GAS2: variants seen among roughly 807,000 people sequenced by gnomAD.
GAS2 encodes growth arrest-specific protein 2.
GAS2 carries 20 observed loss-of-function variants against 37.5 expected under a neutral mutation model. That is an observed-to-expected ratio of 0.53 (90% confidence interval 0.37 to 0.77). The LOEUF (loss-of-function observed/expected upper bound fraction) is 0.77. Among genes scored for constraint, GAS2 ranks in the 30% least tolerant of loss-of-function variants. The pLI is 0.00. For synonymous variants in GAS2, 144 were observed against 132.2 expected (o/e 1.09, Z -0.61); for missense variants, 336 against 373.4 (o/e 0.90, Z 0.82).
chr11:22,704,679 G>A (rs1262993497), intron 3 of GAS2, among the ~76,000 whole-genome samples: 7 of 142,494 alleles, frequency 4.9e-5, no homozygotes, highest in Non-Finnish European at 9.0e-5. Context: ...CTTGTAGTAA[G>A]GAATATTGTA....
intron 3 of GAS2, chr11:22,702,388 G>C (rs1850886752): frequency 2.0e-5 from 3 of 152,126 alleles, no homozygotes; most frequent in African/African-American, 7.2e-5. Flanking sequence ...ACTGTCTGTA[G>C]ATGGAATTGC....
At chr11:22,751,055 G>T (rs1485376901) in intron 6 of GAS2, among the ~76,000 whole-genome samples, 1 of 151,932 alleles carries the variant, frequency 6.6e-6, no homozygotes. Flanking sequence ...CTACCAGAAG[G>T]ATAAAACTAA....
At chr11:22,667,510 C>A (rs895521050) in intron 1 of GAS2, among the ~76,000 whole-genome samples, 3 of 152,248 alleles carry the variant, frequency 2.0e-5, no homozygotes, top group African/African-American at 7.2e-5. Context: ...CGATATATAT[C>A]AACACACTTT....
chr11:22,652,752 G>A (rs1326823084), intron 1 of GAS2, among the ~76,000 whole-genome samples: 3 of 152,224 alleles, frequency 2.0e-5, no homozygotes, highest in Non-Finnish European at 4.4e-5. Flanking sequence ...CGCTTCCCCA[G>A]TGAGGCAATG....
At chr11:22,676,731 T>C (rs1849444802) in intron 2 of GAS2, among the ~76,000 whole-genome samples, 2 of 151,842 alleles carry the variant, frequency 1.3e-5, no homozygotes, top group South Asian at 2.1e-4. Flanking sequence ...TTTATTCTTT[T>C]TTTCAACAAA....
intron 3 of GAS2, among the ~76,000 whole-genome samples, chr11:22,697,756 G>T (rs1311893309): frequency 3.3e-5 from 5 of 152,030 alleles, no homozygotes; most frequent in East Asian, 1.9e-4. Flanking sequence ...GTCTGTTGTT[G>T]GTGTATAAGA....
At chr11:22,654,880 A>G (rs2133838158) in intron 1 of GAS2, among the ~76,000 whole-genome samples, 1 of 152,360 alleles carries the variant, frequency 6.6e-6, no homozygotes, top group East Asian at 1.9e-4. Flanking sequence ...ACTTGGAGCT[A>G]CATACTAGTC....
At chr11:22,742,923 T>C (rs1404963618) in intron 5 of GAS2, among the ~76,000 whole-genome samples, 1 of 152,134 alleles carries the variant, frequency 6.6e-6, no homozygotes, top group Non-Finnish European at 1.5e-5. Flanking sequence ...ATGATATTTT[T>C]CACTTATGGA....
At chr11:22,804,303 G>T (rs998751189) in intron 7 of GAS2, among the ~76,000 whole-genome samples, 2 of 152,132 alleles carry the variant, frequency 1.3e-5, no homozygotes, top group African/African-American at 4.8e-5. Flanking sequence ...AAAGAACAAT[G>T]AGATAGGTAG....
chr11:22,792,989 C>G (rs1343546444), intron 7 of GAS2, among the ~76,000 whole-genome samples: 2 of 152,138 alleles, frequency 1.3e-5, no homozygotes, highest in Admixed American at 1.3e-4. Context: ...TACAAAGAGG[C>G]CATGGCTGAG....
At chr11:22,670,068 C>A (rs1170990186) in intron 1 of GAS2, among the ~76,000 whole-genome samples, 2 of 152,120 alleles carry the variant, frequency 1.3e-5, no homozygotes, top group Non-Finnish European at 2.9e-5. Context: ...ATGGCATTTT[C>A]TCTTTCCAGA....
chr11:22,682,739 A>G lies in GAS2; in HGVS notation c.146-2929A>G, dbSNP rs368247887. Among the ~76,000 whole-genome samples the G allele has an allele frequency of 6.6e-5, 10 of 151,812 alleles. No individual in the cohort carries two copies. In the East Asian group the frequency reaches 1.2e-3, roughly 18 times the overall value. ...CTAAAAATACCAAAATTAGGTGGGC[A>G]TGGTAGTGCATGCCTGTAGTCCCAG... On this transcript the variant is annotated intron_variant, in intron 2 of 7. Coordinates refer to ENST00000454584, the MANE Select transcript of GAS2 (RefSeq NM_001143830.3).
chr11:22,783,789 T>A (rs763275289), intron 7 of GAS2, among the ~76,000 whole-genome samples: 3 of 152,178 alleles, frequency 2.0e-5, no homozygotes, highest in Non-Finnish European at 2.9e-5. Context: ...GAGACATATT[T>A]AAGTCTTTAA....
intron 1 of GAS2, chr11:22,668,164 T>A (rs891278625): frequency 3.3e-5 from 5 of 152,210 alleles, no homozygotes; most frequent in Middle Eastern, 3.2e-3. Context: ...TCCAAACTCT[T>A]AGCAGTGTGG....
intron 6 of GAS2, among the ~76,000 whole-genome samples, chr11:22,753,517 G>A (rs1853858145): frequency 6.6e-6 from 1 of 152,064 alleles, no homozygotes; most frequent in African/African-American, 2.4e-5. Flanking sequence ...TCATTTTTTA[G>A]TGGAGGAACC....
chr11:22,721,518 T>G (rs1851947587), intron 3 of GAS2, among the ~76,000 whole-genome samples: 1 of 152,070 alleles, frequency 6.6e-6, no homozygotes, highest in Non-Finnish European at 1.5e-5. Context: ...AAGCTAGTCA[T>G]GTAGTCAAAC....
chr11:22,744,979 CACAA>C (rs1019145738), intron 5 of GAS2, among the ~76,000 whole-genome samples: 11 of 151,958 alleles, frequency 7.2e-5, no homozygotes, highest in Admixed American at 1.3e-4. Flanking sequence ...TAATAGATGA[CACAA>C]ACAAAGGAAG....
chr11:22,736,167 T>C (rs868293639), intron 4 of GAS2, among the ~76,000 whole-genome samples: 1 of 152,170 alleles, frequency 6.6e-6, no homozygotes, highest in Middle Eastern at 3.4e-3. Flanking sequence ...CTGGAATTTA[T>C]TTAATATACT....
intron 1 of GAS2, among the ~76,000 whole-genome samples, chr11:22,634,369 A>C (rs962779525): frequency 3.3e-5 from 5 of 152,182 alleles, no homozygotes; most frequent in Non-Finnish European, 5.9e-5. Flanking sequence ...GGACACAACC[A>C]AACCATATCA....
Sources: allele counts gnomAD v4.1 joint callset (sites outside exome capture counted in the v4.1 genomes callset), GRCh38; gene constraint gnomAD v4.1.1; transcripts MANE v1.5; gene names NCBI Gene and HGNC (gene_info 2026-07-23, HGNC 2026-07-21).